The following NRG1 variants were observed in gnomAD, a reference collection of about 807,000 sequenced individuals.
The protein encoded by NRG1 is neuregulin 1, also known as pro-neuregulin-1, membrane-bound isoform.
NRG1 carries 18 observed loss-of-function variants against 63.8 expected under a neutral mutation model. That is an observed-to-expected ratio of 0.28 (90% CI 0.19 to 0.42). The LOEUF (loss-of-function observed/expected upper bound fraction) is 0.42, where lower values mean the gene tolerates loss of function less well. Ranked by LOEUF, NRG1 falls within the 10% of genes least tolerant of loss-of-function variation. The pLI, the probability that NRG1 is intolerant of heterozygous loss-of-function variation, is 1.00. For missense variants in NRG1, 762 were observed against 814.7 expected, an observed-to-expected ratio of 0.94 and a Z score of 0.79; for synonymous variants, 302 against 301.3, an observed-to-expected ratio of 1.00 and a Z score of -0.02.
chr8:31,944,486 T>G, intron 1 of NRG1, among the ~76,000 whole-genome samples: 1 of 152,208 alleles, frequency 6.6e-6, no homozygotes, highest in East Asian at 1.9e-4. Context: ...CTCTTAACTT[T>G]CCAAGTTAGT....
rs182593302 is a variant in NRG1 at position 31,676,629 on chromosome 8, A to G, written c.37+37198A>G. On this transcript the variant is annotated intron_variant, in intron 1 of 10. Coordinates refer to the NRG1 transcript ENST00000519301. ...TTGAACCCTCCAGTCCGTGTTTGATATACCTTCCAGGGGTTCTGGTGCATG... is the reference window on the plus strand; with the variant it reads ...TTGAACCCTCCAGTCCGTGTTTGATGTACCTTCCAGGGGTTCTGGTGCATG... Among the ~76,000 whole-genome samples, 246 of 152,278 alleles carry G rather than the reference A, an allele frequency of 1.6e-3. 1 individual carries two copies. The highest frequency in any genetic ancestry group is 5.7e-3 in the African/African-American group (235 of 41,574).
intron 1 of NRG1, among the ~76,000 whole-genome samples, chr8:32,025,719 G>C (rs1817156290): frequency 6.6e-6 from 1 of 151,852 alleles, no homozygotes; most frequent in Admixed American, 6.6e-5. Flanking sequence ...AGGCCGAGGC[G>C]GGCGGATCAC....
At chr8:31,998,996 C>T (rs1030609284) in intron 1 of NRG1, among the ~76,000 whole-genome samples, 8 of 151,666 alleles carry the variant, frequency 5.3e-5, no homozygotes, top group Non-Finnish European at 1.0e-4. Context: ...TAAGAAGACC[C>T]AAAGCAGGTT....
intron 5 of NRG1, among the ~76,000 whole-genome samples, chr8:32,641,863 C>A (rs973990227): frequency 6.6e-6 from 1 of 152,186 alleles, no homozygotes; most frequent in Non-Finnish European, 1.5e-5. Flanking sequence ...GAGTTTCATT[C>A]ATCTCACCTA....
At chr8:31,882,849 A>G (rs1830454493) in intron 1 of NRG1, among the ~76,000 whole-genome samples, 1 of 152,118 alleles carries the variant, frequency 6.6e-6, no homozygotes, top group South Asian at 2.1e-4. Context: ...AACTTGAATG[A>G]TTGAGGAATT....
At chr8:31,948,806 C>T (rs1236194936) in intron 1 of NRG1, among the ~76,000 whole-genome samples, 2 of 152,132 alleles carry the variant, frequency 1.3e-5, no homozygotes, top group African/African-American at 4.8e-5. Context: ...GAAGCCTTTC[C>T]CCTGCCCCCA....
intron 1 of NRG1, among the ~76,000 whole-genome samples, chr8:32,367,263 T>C (rs7000201): frequency 0.12 from 18,787 of 152,246 alleles, 1,287 homozygotes; most frequent in South Asian, 0.16. Flanking sequence ...CAGCAATGTA[T>C]AAGAGTTCCT....
At chr8:32,134,630 G>C (rs1438436101) in intron 1 of NRG1, among the ~76,000 whole-genome samples, 1 of 152,034 alleles carries the variant, frequency 6.6e-6, no homozygotes, top group African/African-American at 2.4e-5. Flanking sequence ...TACATACAAG[G>C]GGCCCTAGTT....
At chr8:31,653,459 T>A (rs1161797071) in intron 1 of NRG1, among the ~76,000 whole-genome samples, 1 of 152,224 alleles carries the variant, frequency 6.6e-6, no homozygotes, top group Non-Finnish European at 1.5e-5. Context: ...GAATAAAATC[T>A]GCACTAACTA....
chr8:31,993,289 G>A (rs1055494017), intron 1 of NRG1, among the ~76,000 whole-genome samples: 13 of 151,960 alleles, frequency 8.6e-5, no homozygotes, highest in Non-Finnish European at 1.8e-4. Flanking sequence ...GCCAATTAAG[G>A]AATTTTCCTA....
At chr8:32,267,577 G>C (rs1361255521) in intron 1 of NRG1, among the ~76,000 whole-genome samples, 1 of 152,102 alleles carries the variant, frequency 6.6e-6, no homozygotes, top group African/African-American at 2.4e-5. Flanking sequence ...ACCAAATGAA[G>C]GTATACTGCA....
intron 1 of NRG1, among the ~76,000 whole-genome samples, chr8:32,432,037 C>T (rs1362224089): frequency 2.6e-5 from 4 of 152,092 alleles, no homozygotes; most frequent in Non-Finnish European, 5.9e-5. Context: ...AGAATATAAG[C>T]AACTAAATCC....
intron 1 of NRG1, among the ~76,000 whole-genome samples, chr8:32,344,362 C>CTTTG (rs766565757): frequency 2.1e-4 from 13 of 60,822 alleles, no homozygotes; most frequent in Admixed American, 3.2e-4. Flanking sequence ...TTCTTTCTTT[C>CTTTG]TTTCTTTCTT....
rs1178545836 is a variant in NRG1, at chr8:32,412,423, CATAT to C, written c.38-183379_38-183376del. On this transcript the variant is annotated intron_variant, in intron 1 of 10. Coordinates refer to the NRG1 transcript ENST00000519301. ...TCCTCTCTCTCTCTCTCTCTCTCTA[CATAT>C]ATATATATATATATATATATATATA... Among the ~76,000 whole-genome samples, 30 of 93,030 alleles carry C rather than the reference CATAT, an allele frequency of 3.2e-4. 1 individual carries two copies. The highest frequency in any genetic ancestry group is 5.4e-4 in the African/African-American group (13 of 24,276). The allele number at this position is 93,030 out of a possible 152,430, so 61.0% of individuals were successfully genotyped here. A position where few individuals can be genotyped will look rare whatever the true frequency, so the allele number is the denominator to read the frequency against.
At chr8:31,996,843 A>T (rs1812057969) in intron 1 of NRG1, among the ~76,000 whole-genome samples, 1 of 151,956 alleles carries the variant, frequency 6.6e-6, no homozygotes. Flanking sequence ...TACTATTTGG[A>T]CAATTGTAAA....
At chr8:32,609,834 A>G (rs1846054129) in intron 3 of NRG1, among the ~76,000 whole-genome samples, 1 of 150,904 alleles carries the variant, frequency 6.6e-6, no homozygotes. Context: ...ACCACACCCC[A>G]GCTAATTTTT....
chr8:32,005,341 C>A (rs1414465177), intron 1 of NRG1, among the ~76,000 whole-genome samples: 1 of 151,944 alleles, frequency 6.6e-6, no homozygotes, highest in Non-Finnish European at 1.5e-5. Flanking sequence ...CAGTGGAAGA[C>A]ATCGTAGAAA....
chr8:31,651,312 A>G (rs537103922), intron 1 of NRG1, among the ~76,000 whole-genome samples: 1 of 152,370 alleles, frequency 6.6e-6, no homozygotes, highest in African/African-American at 2.4e-5. Context: ...GAAATGATAA[A>G]GTATGATTAA....
At chr8:32,058,495 A>G (rs904117491) in intron 1 of NRG1, among the ~76,000 whole-genome samples, 1 of 152,070 alleles carries the variant, frequency 6.6e-6, no homozygotes, top group Non-Finnish European at 1.5e-5. Context: ...AAATACCGCC[A>G]ATGAGTTGTA....
Sources: gnomAD v4.1 joint callset for allele counts (sites outside exome capture counted in the v4.1 genomes callset) on GRCh38, gnomAD v4.1.1 for gene constraint, MANE v1.5 for transcripts, NCBI Gene and HGNC (gene_info 2026-07-23, HGNC 2026-07-21) for gene names.